SEM1: variants seen among roughly 807,000 people sequenced by gnomAD.
SEM1 encodes SEM1 26S proteasome subunit.
SEM1 carries 3 observed loss-of-function variants against 12.7 expected under a neutral mutation model. That is an observed-to-expected ratio of 0.24 (90% CI 0.11 to 0.61). The LOEUF is 0.61. SEM1 is among the 20% of genes least tolerant of loss of function. The probability of loss-of-function intolerance (pLI) is 0.88; values close to 1 mark genes in which losing one functional copy is unlikely to be tolerated. For synonymous variants in SEM1, 30 were observed against 27.8 expected, an observed-to-expected ratio of 1.08 and a Z score of -0.25; for missense variants, 59 against 81.3, an observed-to-expected ratio of 0.73 and a Z score of 1.06.
Position 96,688,858 on chromosome 7 carries a change from G to A in SEM1, c.*66C>T. ...ACACATTTTTTTAGTGTCCCATCCT[G>A]GGTTCTCTGCCCTAGAATGTATTAA... is the stretch of plus-strand genomic sequence containing the variant. On this transcript the variant is annotated 3_prime_UTR_variant, in exon 3 of 3. Coordinates refer to ENST00000248566, the MANE Select transcript of SEM1 (RefSeq NM_006304.2). 1.1e-6 allele frequency: 1 copy of A among 927,156 alleles called. No individual in the cohort carries two copies. The highest frequency in any genetic ancestry group is 1.4e-5 in the South Asian group (1 of 69,048). 57.4% of individuals were successfully genotyped at this position (927,156 alleles called of 1,614,324 possible). A position where few individuals can be genotyped will look rare whatever the true frequency, so the allele number is the denominator to read the frequency against.
intron 2 of SEM1, among the ~76,000 whole-genome samples, chr7:96,579,336 G>A (rs193096689): frequency 2.6e-5 from 4 of 152,222 alleles, no homozygotes; most frequent in African/African-American, 4.8e-5. Context: ...ACTTACTGCT[G>A]TAAGCTTGTT....
intron 2 of SEM1, among the ~76,000 whole-genome samples, chr7:96,628,906 C>T (rs1446797797): frequency 1.3e-5 from 2 of 152,172 alleles, no homozygotes; most frequent in African/African-American, 4.8e-5. Context: ...AATATTTTCA[C>T]CAGATACACT....
chr7:96,621,419 C>T (rs1264359173), downstream of SEM1, among the ~76,000 whole-genome samples: 1 of 152,028 alleles, frequency 6.6e-6, no homozygotes, highest in African/African-American at 2.4e-5. Flanking sequence ...AAAATGTTAT[C>T]TTAAAAGATA....
At chr7:96,604,683 C>T (rs2116207060) in intron 2 of SEM1, among the ~76,000 whole-genome samples, 1 of 152,086 alleles carries the variant, frequency 6.6e-6, no homozygotes, top group African/African-American at 2.4e-5. Flanking sequence ...CTTTTGGAGG[C>T]TGAGGCGGGC....
In SEM1 at chr7:96,648,806, A is replaced by C. The variant is rs551712043; in HGVS notation, c.171-26163T>G. Among the ~76,000 whole-genome samples the C allele has an allele frequency of 5.3e-5, 8 of 152,372 alleles. No homozygotes were observed. The South Asian group carries it at 1.7e-3, about 32-fold the overall frequency. Reference sequence around the variant, plus strand: ...GTCAGTTTTTTTTGCAGACGATTGCATATCAAACTGCAGTGCAGCCCTGAC... The same window carrying C: ...GTCAGTTTTTTTTGCAGACGATTGCCTATCAAACTGCAGTGCAGCCCTGAC... On this transcript the variant is annotated intron_variant, in intron 2 of 2. Transcript: ENST00000417009.
chr7:96,540,751 C>T (rs1018822831), intron 2 of SEM1, among the ~76,000 whole-genome samples: 2 of 151,648 alleles, frequency 1.3e-5, no homozygotes, highest in African/African-American at 4.8e-5. Flanking sequence ...TTCAACCCCC[C>T]AGTAGTTTCC....
intron 2 of SEM1, 110 bp from the exon 3 acceptor site, chr7:96,689,076 A>G: frequency 1.6e-6 from 1 of 625,840 alleles, no homozygotes; most frequent in Non-Finnish European, 2.8e-6. Flanking sequence ...ACATCAATTT[A>G]CAATACCACT....
chr7:96,616,088 T>G (rs535116948), intron 2 of SEM1, among the ~76,000 whole-genome samples: 1 of 152,348 alleles, frequency 6.6e-6, no homozygotes, highest in Admixed American at 6.5e-5. Flanking sequence ...CGAATGGTAC[T>G]TCTATTTTCA....
At chr7:96,630,681 C>T (rs1808225269) in intron 2 of SEM1, among the ~76,000 whole-genome samples, 1 of 152,182 alleles carries the variant, frequency 6.6e-6, no homozygotes, top group African/African-American at 2.4e-5. Context: ...CTTTTCCATC[C>T]TCTGTTCTTC....
chr7:96,500,556 G>A (rs369581019), upstream of SEM1, among the ~76,000 whole-genome samples: 2 of 152,052 alleles, frequency 1.3e-5, no homozygotes, highest in African/African-American at 4.8e-5. Context: ...GCACATATGT[G>A]TCCACCTAAG....
At chr7:96,661,263 T>C (rs1186322548) in intron 2 of SEM1, among the ~76,000 whole-genome samples, 1 of 152,124 alleles carries the variant, frequency 6.6e-6, no homozygotes, top group African/African-American at 2.4e-5. Context: ...GGGAAGTCCA[T>C]AGAGGTTTAT....
At chr7:96,653,462 G>T (rs1472047658) in intron 2 of SEM1, among the ~76,000 whole-genome samples, 1 of 152,156 alleles carries the variant, frequency 6.6e-6, no homozygotes, top group Non-Finnish European at 1.5e-5. Context: ...CAGGCAGGAG[G>T]CAATTAAGGT....
intron 3 of SEM1, among the ~76,000 whole-genome samples, chr7:96,502,187 T>A (rs930135851): frequency 6.6e-6 from 1 of 152,150 alleles, no homozygotes; most frequent in African/African-American, 2.4e-5. Flanking sequence ...TTATCTCCAG[T>A]TTAAAGTAAG....
chr7:96,541,735 T>A (rs1804961596), intron 2 of SEM1, among the ~76,000 whole-genome samples: 1 of 151,784 alleles, frequency 6.6e-6, no homozygotes, highest in Admixed American at 6.6e-5. Flanking sequence ...AAGTTTTATA[T>A]TTAAACCTGC....
At chr7:96,489,600 A>G (rs1349319838) in intron 1 of SEM1, among the ~76,000 whole-genome samples, 24 of 152,174 alleles carry the variant, frequency 1.6e-4, no homozygotes, top group Admixed American at 1.6e-3. Context: ...TGCTGTAACA[A>G]ATTACCTCAA....
upstream of SEM1, among the ~76,000 whole-genome samples, chr7:96,499,620 A>T (rs1014097284): frequency 4.6e-5 from 7 of 152,162 alleles, no homozygotes; most frequent in African/African-American, 1.7e-4. Flanking sequence ...TGCTATCCTC[A>T]TTGTCTAAGC....
downstream of SEM1, chr7:96,672,818 A>AC (rs1191261879): frequency 6.6e-6 from 1 of 152,208 alleles, no homozygotes; most frequent in Non-Finnish European, 1.5e-5. Context: ...CCTGGCCAAC[A>AC]CAAAGAAAAC....
chr7:96,706,594 A>AAAAAAAAAAAG (rs1563122448), intron 1 of SEM1, among the ~76,000 whole-genome samples: 5 of 123,470 alleles, frequency 4.0e-5, no homozygotes, highest in Admixed American at 8.4e-5. Context: ...AAAAAAAAAA[A>AAAAAAAAAAAG]AGAGAGAGAG....
exon 2 of SEM1, chr7:96,486,409 G>A (rs1802770487): frequency 2.6e-6 from 4 of 1,536,758 alleles, no homozygotes; most frequent in African/African-American, 1.4e-5. Flanking sequence ...CAGCACAAAT[G>A]TTGGAGTCCT....
Sources: allele counts gnomAD v4.1 joint callset (sites outside exome capture counted in the v4.1 genomes callset), GRCh38; gene constraint gnomAD v4.1.1; transcripts MANE v1.5; gene names NCBI Gene and HGNC (gene_info 2026-07-23, HGNC 2026-07-21).